AGMO: variants seen among roughly 807,000 people sequenced by gnomAD.
AGMO encodes the protein glyceryl-ether monooxygenase.
AGMO carries 75 observed loss-of-function variants against 60.2 expected under a neutral mutation model. That is an observed-to-expected ratio of 1.25 (90% confidence interval 1.03 to 1.51). AGMO has a LOEUF of 1.51. Among genes scored for constraint, AGMO ranks in the 40% most tolerant of loss-of-function variants. The pLI, the probability that AGMO is intolerant of heterozygous loss-of-function variation, is 0.00. For synonymous variants in AGMO, 261 were observed against 177.1 expected, an observed-to-expected ratio of 1.47 and a Z score of -3.76; for missense variants, 763 against 525.5, an observed-to-expected ratio of 1.45 and a Z score of -4.42.
At chr7:15,532,174 C>T (rs1022256344) in intron 3 of AGMO, among the ~76,000 whole-genome samples, 3 of 152,160 alleles carry the variant, frequency 2.0e-5, no homozygotes, top group Admixed American at 6.5e-5. Flanking sequence ...ACAACCAAAT[C>T]ATTAAATATA....
intron 3 of AGMO, among the ~76,000 whole-genome samples, chr7:15,441,642 T>G (rs1222006185): frequency 6.6e-6 from 1 of 151,838 alleles, no homozygotes; most frequent in African/African-American, 2.4e-5. Context: ...CAAGCACTCC[T>G]ACGACGCTCC....
At chr7:15,248,368 C>T (rs1008087231) in intron 12 of AGMO, among the ~76,000 whole-genome samples, 5 of 150,430 alleles carry the variant, frequency 3.3e-5, no homozygotes, top group African/African-American at 1.2e-4. Flanking sequence ...CACAGAGAGC[C>T]CATGGAGAGG....
chr7:15,296,088 A>T (rs1784397565), intron 12 of AGMO, among the ~76,000 whole-genome samples: 1 of 152,200 alleles, frequency 6.6e-6, no homozygotes, highest in African/African-American at 2.4e-5. Flanking sequence ...AATATGTAGA[A>T]ATAATTTGAC....
rs183192596 is a variant in AGMO, at chr7:15,357,606, T to C, written c.1263+7908A>G. ...TATATAGAGTCTCTGAGCCTAGGCT[T>C]CAAGAAGCCTTGCAAATGCAGTCTT... On this transcript the variant is annotated intron_variant, in intron 12 of 12. Coordinates refer to ENST00000342526, the MANE Select transcript of AGMO (RefSeq NM_001004320.2). 4.9e-4 allele frequency among the ~76,000 whole-genome samples: 74 copies of C among 152,328 alleles called. No individual in the cohort carries two copies. The East Asian group carries it at 0.013, about 27-fold the overall frequency.
chr7:15,293,449 A>C lies in AGMO; in HGVS notation c.1263+72065T>G, dbSNP rs575391122. 4.6e-5 allele frequency among the ~76,000 whole-genome samples: 7 copies of C among 152,178 alleles called. No homozygotes were observed. The East Asian group carries it at 1.2e-3, about 25-fold the overall frequency. ...GGGGATAAGAGTGAGAGAAGGATTT[A>C]TTTGCCTCCAGATGATCTCTGCATG... On this transcript the variant is annotated intron_variant, in intron 12 of 12. Transcript: ENST00000342526.
intron 3 of AGMO, among the ~76,000 whole-genome samples, chr7:15,532,527 T>A (rs543462155): frequency 6.6e-6 from 1 of 152,310 alleles, no homozygotes; most frequent in East Asian, 1.9e-4. Flanking sequence ...AAGAACCTAG[T>A]AAATACTAAT....
intron 12 of AGMO, among the ~76,000 whole-genome samples, chr7:15,240,333 T>A (rs912861561): frequency 6.6e-6 from 1 of 152,156 alleles, no homozygotes; most frequent in African/African-American, 2.4e-5. Context: ...TTGTTTGAAA[T>A]TTAAATTTAA....
At chr7:15,221,014 G>A (rs1781903535) in intron 12 of AGMO, among the ~76,000 whole-genome samples, 2 of 152,164 alleles carry the variant, frequency 1.3e-5, no homozygotes, top group Admixed American at 6.6e-5. Context: ...AAAATACAAT[G>A]AGGATGTCAG....
intron 3 of AGMO, among the ~76,000 whole-genome samples, chr7:15,432,662 T>C (rs1188157411): frequency 6.6e-6 from 1 of 151,820 alleles, no homozygotes; most frequent in Non-Finnish European, 1.5e-5. Context: ...GTAACTTAGA[T>C]CCCAATTGGT....
chr7:15,272,841 G>T (rs1392513327), intron 12 of AGMO, among the ~76,000 whole-genome samples: 1 of 152,142 alleles, frequency 6.6e-6, no homozygotes, highest in Non-Finnish European at 1.5e-5. Context: ...ACTGGTGTGA[G>T]ATGGTATCTC....
At chr7:15,279,271 C>A (rs907614437) in intron 12 of AGMO, among the ~76,000 whole-genome samples, 1 of 152,122 alleles carries the variant, frequency 6.6e-6, no homozygotes, top group Non-Finnish European at 1.5e-5. Context: ...TGCACTGGTC[C>A]CAGCTCAGCA....
downstream of AGMO, among the ~76,000 whole-genome samples, chr7:15,197,053 G>T (rs1233072157): frequency 3.3e-5 from 5 of 151,368 alleles, no homozygotes; most frequent in African/African-American, 1.2e-4. Flanking sequence ...GTTTTTTGTT[G>T]TTGTTTTTTT....
In AGMO at chr7:15,470,698, T is replaced by C. The variant is rs552220262; in HGVS notation, c.410-39590A>G. 1.4e-3 allele frequency among the ~76,000 whole-genome samples: 215 copies of C among 152,102 alleles called. 1 individual carries two copies. The highest frequency in any genetic ancestry group is 2.7e-3 in the Non-Finnish European group (183 of 67,894). Reference sequence around the variant, plus strand: ...CTGGTTTTTTTCACTGTTCTTATTATCTATTTTTTAATTCTCAACATAAAC... The same window carrying C: ...CTGGTTTTTTTCACTGTTCTTATTACCTATTTTTTAATTCTCAACATAAAC... On this transcript the variant is annotated intron_variant, in intron 3 of 12. Coordinates refer to ENST00000342526, the MANE Select transcript of AGMO (RefSeq NM_001004320.2).
rs74540679 is a variant in AGMO, at chr7:15,455,740, G to C, written c.410-24632C>G. 9.1e-3 allele frequency among the ~76,000 whole-genome samples: 1,386 copies of C among 152,154 alleles called. 16 individuals are homozygous for C. The highest frequency in any genetic ancestry group is 0.032 in the African/African-American group (1,322 of 41,534). The stretch of plus-strand genomic sequence containing the variant: ...GAAGGCATTGATACAGAGGCTCCTA[G>C]AATTCAGCTGCTCCTGAGAAATCTC... On this transcript the variant is annotated intron_variant, in intron 3 of 12. Coordinates refer to ENST00000342526, the MANE Select transcript of AGMO (RefSeq NM_001004320.2).
rs750988147 is a variant in AGMO, at chr7:15,561,763, G to A, written c.83C>T (p.Thr28Ile). The change falls in exon 1 of 13, where the codon ACT becomes ATT. Residue 28 changes from threonine to isoleucine, a missense_variant. Physicochemically the swap from Thr to Ile is moderately conservative, Grantham distance 89. Coordinates refer to ENST00000342526, the MANE Select transcript of AGMO (RefSeq NM_001004320.2). ...CACCTCTTCTAATGTTTGGAATGAA[G>A]TTTCACTGGGTTTCATCGTGTAAAA... ...MLFYTMKPSE[T>I]SFQTLEEVPD... 11 of 1,612,010 alleles carry A rather than the reference G, an allele frequency of 6.8e-6. No homozygotes were observed. Among genetic ancestry groups the A allele is most frequent in the Non-Finnish European group, 9.3e-6 (11 of 1,178,690 alleles).
chr7:15,266,422 A>G (rs935810395), intron 12 of AGMO, among the ~76,000 whole-genome samples: 1 of 152,076 alleles, frequency 6.6e-6, no homozygotes, highest in Non-Finnish European at 1.5e-5. Context: ...AATTTTAACA[A>G]CTTCAAAGGG....
chr7:15,304,087 C>T (rs1014235322), intron 12 of AGMO, among the ~76,000 whole-genome samples: 3 of 152,104 alleles, frequency 2.0e-5, no homozygotes, highest in Admixed American at 1.3e-4. Context: ...ACGTCAATGC[C>T]TTTATGCAAT....
At chr7:15,314,088 T>C (rs1780843931) in intron 12 of AGMO, among the ~76,000 whole-genome samples, 1 of 152,030 alleles carries the variant, frequency 6.6e-6, no homozygotes. Context: ...GATGGTTGGA[T>C]GTCAGCAGCA....
chr7:15,551,452 T>G (rs1784957988), intron 2 of AGMO, among the ~76,000 whole-genome samples: 1 of 149,576 alleles, frequency 6.7e-6, no homozygotes, highest in Non-Finnish European at 1.5e-5. Context: ...CTTAAGCTGA[T>G]AAGCAACTTC....
Sources: allele counts gnomAD v4.1 joint callset (sites outside exome capture counted in the v4.1 genomes callset), GRCh38; gene constraint gnomAD v4.1.1; transcripts MANE v1.5; gene names NCBI Gene and HGNC (gene_info 2026-07-23, HGNC 2026-07-21).